The following MCTP2 variants were observed in gnomAD, a reference collection of about 807,000 sequenced individuals.
MCTP2 encodes the protein multiple C2 and transmembrane domain containing 2.
A neutral mutation model predicts 111.6 loss-of-function variants in MCTP2; 132 were observed. The ratio of observed to expected loss-of-function variants is 1.18; its 90% confidence interval spans 1.03 to 1.37. MCTP2 has a LOEUF of 1.37. MCTP2 is among the 40% of genes most tolerant of loss of function. The pLI, the probability that MCTP2 is intolerant of heterozygous loss-of-function variation, is 0.00. For synonymous variants in MCTP2, 395 were observed against 387.7 expected, an observed-to-expected ratio of 1.02 and a Z score of -0.22; for missense variants, 1,183 against 1,067.9, an observed-to-expected ratio of 1.11 and a Z score of -1.50.
At chr15:94,235,141 A>G (rs900127533) in intron 1 of MCTP2, among the ~76,000 whole-genome samples, 1 of 151,882 alleles carries the variant, frequency 6.6e-6, no homozygotes, top group Non-Finnish European at 1.5e-5. Flanking sequence ...ATCCTAGGTA[A>G]TTGGGAGGCT....
chr15:94,286,302 T>C (rs1319881131), intron 1 of MCTP2, among the ~76,000 whole-genome samples: 1 of 152,226 alleles, frequency 6.6e-6, no homozygotes, highest in Non-Finnish European at 1.5e-5. Context: ...TATCATAAGG[T>C]AGGCATACAC....
At position 94,470,374 on chromosome 15, in the gene MCTP2, G is replaced by C; in HGVS notation, c.2402G>C (p.Cys801Ser). The C allele has an allele frequency of 6.2e-7, 1 of 1,613,926 alleles. No homozygotes were observed. Among genetic ancestry groups the C allele is most frequent in the Non-Finnish European group, 8.5e-7 (1 of 1,179,836 alleles). ...GTCCCCTTCCTTTCATCTCTGGCCT[G>C]TTTGATTCTGGCAGCAGCCACCATC... ...WTVPFLSSLA[C>S]LILAAATIIL... Residue 801 changes from cysteine (C) to serine (S), a missense_variant, in exon 21 of 23, where the codon TGT (cysteine) becomes TCT (serine). Physicochemically the swap from Cys to Ser is moderately radical, Grantham distance 112. Coordinates refer to ENST00000357742, the MANE Select transcript of MCTP2 (RefSeq NM_001385001.1).
chr15:94,473,073 T>C (rs2074060662), intron 21 of MCTP2, among the ~76,000 whole-genome samples: 1 of 113,238 alleles, frequency 8.8e-6, no homozygotes, highest in Non-Finnish European at 2.3e-5. Flanking sequence ...TTTAATTTTT[T>C]GAAAAAAATG....
intron 20 of MCTP2, among the ~76,000 whole-genome samples, chr15:94,469,280 G>A (rs748326472): frequency 5.3e-5 from 8 of 152,124 alleles, no homozygotes; most frequent in African/African-American, 1.4e-4. Context: ...TAGGGCGTTC[G>A]ATCTCTAGGA....
chr15:94,257,318 A>G (rs2072840889), intron 1 of MCTP2, among the ~76,000 whole-genome samples: 2 of 151,992 alleles, frequency 1.3e-5, no homozygotes, highest in Admixed American at 1.3e-4. Flanking sequence ...GTCTGATTTG[A>G]CCACTGAGTT....
At chr15:94,364,398 G>T (rs565862002) in intron 10 of MCTP2, among the ~76,000 whole-genome samples, 1 of 152,218 alleles carries the variant, frequency 6.6e-6, no homozygotes, top group South Asian at 2.1e-4. Context: ...AAAAGAGCAA[G>T]ATTTTACTGG....
intron 19 of MCTP2, among the ~76,000 whole-genome samples, chr15:94,445,970 G>A (rs2084096501): frequency 6.6e-6 from 1 of 152,202 alleles, no homozygotes; most frequent in Non-Finnish European, 1.5e-5. Flanking sequence ...TTCCTCAGGA[G>A]ATGAATGCTT....
rs2074722984 is a variant in MCTP2 at position 94,481,469 on chromosome 15, A to C, written c.*2435A>C. ...ATTAACCACTTCTGTTCTGATTTCC[A>C]CCACCCAAGTGGAGGCCTTCATAAC... On this transcript the variant is annotated 3_prime_UTR_variant, in exon 23 of 23. Coordinates refer to ENST00000357742, the MANE Select transcript of MCTP2 (RefSeq NM_001385001.1). The C allele has an allele frequency of 6.6e-6, 1 of 151,942 alleles. No individual in the cohort carries two copies. The highest frequency in any genetic ancestry group is 2.4e-5 in the African/African-American group (1 of 41,302). 9.4% of individuals were successfully genotyped at this position (151,942 alleles called of 1,614,324 possible). A position where few individuals can be genotyped will look rare whatever the true frequency, so the allele number is the denominator to read the frequency against.
At chr15:94,295,033 T>G (rs999674760) in intron 1 of MCTP2, among the ~76,000 whole-genome samples, 3 of 131,590 alleles carry the variant, frequency 2.3e-5, no homozygotes, top group African/African-American at 8.5e-5. Context: ...CACTGCAACC[T>G]CCGCCTCCTC....
chr15:94,477,466 C>T (rs1026559350), intron 22 of MCTP2, among the ~76,000 whole-genome samples: 2 of 152,050 alleles, frequency 1.3e-5, no homozygotes, highest in African/African-American at 2.4e-5. Flanking sequence ...GATCCTGGCC[C>T]CTGTGGATCA....
chr15:94,296,502 G>A (rs1399799824), intron 1 of MCTP2, among the ~76,000 whole-genome samples: 1 of 152,154 alleles, frequency 6.6e-6, no homozygotes, highest in African/African-American at 2.4e-5. Flanking sequence ...GCAGCCTCCC[G>A]AGGTACTTAC....
At chr15:94,467,131 T>C (rs1405116338) in intron 20 of MCTP2, among the ~76,000 whole-genome samples, 1 of 152,212 alleles carries the variant, frequency 6.6e-6, no homozygotes, top group Non-Finnish European at 1.5e-5. Flanking sequence ...GCAGTTATTA[T>C]TCCTGTTTTA....
intron 17 of MCTP2, among the ~76,000 whole-genome samples, chr15:94,415,401 C>T (rs2082326763): frequency 6.6e-6 from 1 of 152,030 alleles, no homozygotes; most frequent in South Asian, 2.1e-4. Context: ...GTTACTTGCT[C>T]TTTAAATGCT....
intron 17 of MCTP2, among the ~76,000 whole-genome samples, chr15:94,427,051 T>A (rs2082928393): frequency 6.6e-6 from 1 of 152,176 alleles, no homozygotes; most frequent in African/African-American, 2.4e-5. Context: ...ACCTTCATCC[T>A]AAGCATGCAT....
intron 1 of MCTP2, among the ~76,000 whole-genome samples, chr15:94,276,079 T>G (rs568501358): frequency 1.8e-4 from 27 of 152,054 alleles, no homozygotes; most frequent in African/African-American, 6.0e-4. Context: ...CTCCTGACCT[T>G]GTGATCCGCC....
At chr15:94,371,506 G>A (rs1485476632) in intron 12 of MCTP2, among the ~76,000 whole-genome samples, 1 of 152,070 alleles carries the variant, frequency 6.6e-6, no homozygotes, top group Non-Finnish European at 1.5e-5. Flanking sequence ...CTTTTCGAAT[G>A]CACTGTTGTT....
At position 94,480,844 on chromosome 15, in the gene MCTP2, A is replaced by G. The variant is rs954095893; in HGVS notation, c.*1810A>G. The G allele has an allele frequency of 1.3e-5, 2 of 152,212 alleles. No individual in the cohort carries two copies. The highest frequency in any genetic ancestry group is 2.4e-5 in the African/African-American group (1 of 41,446). 9.4% of individuals were successfully genotyped at this position (152,212 alleles called of 1,614,324 possible). A position where few individuals can be genotyped will look rare whatever the true frequency, so the allele number is the denominator to read the frequency against. ...TTCAAAATGAAATTATTTGCCCGAC[A>G]AGAAGGCATCATTAGTTAGACTTGT... On this transcript the variant is annotated 3_prime_UTR_variant, in exon 23 of 23. Coordinates refer to ENST00000357742, the MANE Select transcript of MCTP2 (RefSeq NM_001385001.1).
intron 1 of MCTP2, among the ~76,000 whole-genome samples, chr15:94,250,645 C>T (rs1374149280): frequency 2.0e-5 from 3 of 152,152 alleles, no homozygotes; most frequent in Non-Finnish European, 4.4e-5. Flanking sequence ...CAGTCTTTAT[C>T]TCTGTTATAT....
chr15:94,300,680 G>A (rs1331600297), intron 2 of MCTP2, among the ~76,000 whole-genome samples: 1 of 152,066 alleles, frequency 6.6e-6, no homozygotes, highest in Non-Finnish European at 1.5e-5. Context: ...GAGCATAAGA[G>A]GCTACTGGAT....
Sources: gnomAD v4.1 joint callset for allele counts (sites outside exome capture counted in the v4.1 genomes callset) on GRCh38, gnomAD v4.1.1 for gene constraint, MANE v1.5 for transcripts, NCBI Gene and HGNC (gene_info 2026-07-23, HGNC 2026-07-21) for gene names.